Variants in DMBT1 observed in about 807,000 individuals in gnomAD.
The protein encoded by DMBT1 is deleted in malignant brain tumors 1.
A neutral mutation model predicts 252.9 loss-of-function variants in DMBT1; 198 were observed. The observed-to-expected ratio is 0.78, with a 90% CI of 0.70 to 0.88. The LOEUF (loss-of-function observed/expected upper bound fraction) is 0.88. DMBT1 is among the 40% of genes least tolerant of loss of function. The probability of loss-of-function intolerance (pLI) is 0.00; values close to 1 mark genes in which losing one functional copy is unlikely to be tolerated. For missense variants in DMBT1, 2,432 were observed against 2,404.7 expected, an observed-to-expected ratio of 1.01 and a Z score of -0.24; for synonymous variants, 990 against 942.7, an observed-to-expected ratio of 1.05 and a Z score of -0.92.
At chr10:122,638,351 ACT>A (rs1843872503) in intron 54 of DMBT1, among the ~76,000 whole-genome samples, 1 of 140,124 alleles carries the variant, frequency 7.1e-6, no homozygotes, top group Admixed American at 7.3e-5. Flanking sequence ...CGGCCAGACA[ACT>A]CTGTCAGCCC....
Position 122,643,109 on chromosome 10 carries a change from T to C in DMBT1, c.7353-13T>C. 1 of 1,611,924 alleles carries C rather than the reference T, an allele frequency of 6.2e-7. No homozygotes were observed. The highest frequency in any genetic ancestry group is 1.1e-5 in the South Asian group (1 of 91,034). On this transcript the variant is annotated splice_polypyrimidine_tract_variant and intron_variant, in intron 55 of 55. Coordinates refer to ENST00000338354, the MANE Select transcript of DMBT1 (RefSeq NM_001377530.1). ...GCCTTGGTGAGAGCTAAGGGGCTAC[T>C]GTTCTCTTCCAGATGCGTGAGGGAT...
At position 122,636,770 on chromosome 10, in the gene DMBT1, C is replaced by A. The variant is rs1029760505; in HGVS notation, c.6758-358C>A. ...GTCAGGATTAAAGACTGACTTGCTT[C>A]ATGGCTAAAAGACCTTGTTTCATGA... On this transcript the variant is annotated intron_variant, in intron 53 of 55. Coordinates refer to ENST00000338354, the MANE Select transcript of DMBT1 (RefSeq NM_001377530.1). Among the ~76,000 whole-genome samples the A allele has an allele frequency of 5.0e-4, 76 of 152,262 alleles. 1 individual carries two copies. Among genetic ancestry groups the A allele is most frequent in the Admixed American group, 5.0e-3 (76 of 15,288 alleles).
chr10:122,619,413 C>G, intron 42 of DMBT1, 76 bp downstream of exon 42: 1 of 1,587,542 alleles, frequency 6.3e-7, no homozygotes. Flanking sequence ...CCACAGAGCT[C>G]TCCTGCTTTT....
intron 3 of DMBT1, among the ~76,000 whole-genome samples, chr10:122,570,674 G>C (rs536655147): frequency 3.3e-5 from 5 of 152,302 alleles, no homozygotes; most frequent in African/African-American, 9.6e-5. Flanking sequence ...GAGGTTGGGG[G>C]AGGGTAAGTA....
At position 122,588,952 on chromosome 10, in the gene DMBT1, T is replaced by C; in HGVS notation, c.1792T>C (p.Ser598Pro). The change falls in exon 17 of 56, where the codon TCC becomes CCC. Residue 598 changes from serine (S) to proline (P), a missense_variant. Around this residue, in one of 3 missense-constraint regions of DMBT1, gnomAD observed 1,264 missense variants for 1,082.2 expected, o/e 1.17. Transcript: ENST00000338354. ...CTTGTGTTCTCCTATAGGACCTGAA[T>C]CCAGTTTGGCCCTGAGGCTGGTGAA... ...DAGVICSGPE[S>P]SLALRLVNGG... The C allele has an allele frequency of 6.3e-7, 1 of 1,587,924 alleles. No individual in the cohort carries two copies. Among genetic ancestry groups the C allele is most frequent in the South Asian group, 1.2e-5 (1 of 86,902 alleles).
chr10:122,589,390 T>A, intron 17 of DMBT1, 123 bp downstream of exon 17: 1 of 1,434,300 alleles, frequency 7.0e-7, no homozygotes, highest in Non-Finnish European at 9.4e-7. Context: ...GATATCTCCT[T>A]AGCTCTCTTC....
intron 40 of DMBT1, 48 bp downstream of exon 40, chr10:122,617,308 A>G: frequency 6.3e-7 from 1 of 1,588,896 alleles, no homozygotes; most frequent in African/African-American, 1.4e-5. Context: ...CTCTGGACAT[A>G]TTTTGTGTTT....
chr10:122,591,074 G>A (rs746592909), intron 18 of DMBT1, among the ~76,000 whole-genome samples: 2 of 148,492 alleles, frequency 1.3e-5, no homozygotes, highest in Non-Finnish European at 3.0e-5. Context: ...CAGGGAGAGC[G>A]ATATTAGATA....
chr10:122,560,762 C>A lies in DMBT1; in HGVS notation c.-9C>A. The stretch of plus-strand genomic sequence containing the variant: ...GGATTTTCTATTCAATTGAGAAGAA[C>A]CCAGCAAAATGGGGATCTCCACAGT... On this transcript the variant is annotated 5_prime_UTR_variant, in exon 1 of 56. Coordinates refer to ENST00000338354, the MANE Select transcript of DMBT1 (RefSeq NM_001377530.1). 6.4e-7 allele frequency: 1 copy of A among 1,564,252 alleles called. No individual in the cohort carries two copies. Among genetic ancestry groups the A allele is most frequent in the Non-Finnish European group, 8.7e-7 (1 of 1,152,596 alleles).
At chr10:122,568,514 AAGG>A (rs2097624671) in intron 2 of DMBT1, among the ~76,000 whole-genome samples, 1 of 152,230 alleles carries the variant, frequency 6.6e-6, no homozygotes, top group East Asian at 1.9e-4. Context: ...TGAGAGGAAG[AAGG>A]AGGAGTGAGG....
chr10:122,634,392 CTTTCTTTCT>C (rs1405653472), intron 52 of DMBT1, among the ~76,000 whole-genome samples: 3 of 136,854 alleles, frequency 2.2e-5, no homozygotes, highest in East Asian at 4.1e-4. Flanking sequence ...TTCTTTCTTT[CTTTCTTTCT>C]TTTCTTTCTT....
In DMBT1 at chr10:122,633,417, G is replaced by A. The variant is rs73361530; in HGVS notation, c.6548+76G>A. The A allele has an allele frequency of 5.8e-3, 8,934 of 1,543,044 alleles. 358 individuals are homozygous for A. The African/African-American group carries it at 0.083, about 14-fold the overall frequency. ...GGGAATAAATGGTGCTTAAGTGTGCGCCCAGAAGAATGCCTTGGGGCCCCA... is the reference window on the plus strand; with the variant it reads ...GGGAATAAATGGTGCTTAAGTGTGCACCCAGAAGAATGCCTTGGGGCCCCA... On this transcript the variant is annotated intron_variant, in intron 52 of 55. Transcript: ENST00000338354.
chr10:122,634,430 T>TTCTCTCTC lies in DMBT1; in HGVS notation c.6548+1133_6548+1140dup, dbSNP rs764559052. ...CTTTCTTTCTCTCTCTCTCTCTCTCTTCTCTCTCTCTCTCTCTCTCTCTCT... is the reference window on the plus strand; with the variant it reads ...CTTTCTTTCTCTCTCTCTCTCTCTCTTCTCTCTCTCTCTCTCTCTCTCTCTCTCTCTCT... On this transcript the variant is annotated intron_variant, in intron 52 of 55. Transcript: ENST00000338354. 3.0e-3 allele frequency among the ~76,000 whole-genome samples: 222 copies of TTCTCTCTC among 74,198 alleles called. 2 individuals carry two copies. Among genetic ancestry groups the TTCTCTCTC allele is most frequent in the Admixed American group, 5.7e-3 (34 of 6,004 alleles). The allele number at this position is 74,198 out of a possible 152,430, so 48.7% of individuals were successfully genotyped here. A position where few individuals can be genotyped will look rare whatever the true frequency, so the allele number is the denominator to read the frequency against.
intron 25 of DMBT1, 127 bp from the exon 26 acceptor site, chr10:122,598,647 T>C: frequency 6.5e-7 from 1 of 1,543,226 alleles, no homozygotes; most frequent in Non-Finnish European, 8.7e-7. Context: ...CTGATTTTAT[T>C]CATATTCAAA....
At chr10:122,635,696 C>T (rs2098220952) in intron 52 of DMBT1, among the ~76,000 whole-genome samples, 1 of 152,156 alleles carries the variant, frequency 6.6e-6, no homozygotes, top group African/African-American at 2.4e-5. Flanking sequence ...CCTCACCCTA[C>T]AGGCTTGTGC....
chr10:122,633,768 G>T (rs1591572401), intron 52 of DMBT1, among the ~76,000 whole-genome samples: 1 of 152,286 alleles, frequency 6.6e-6, no homozygotes, highest in South Asian at 2.1e-4. Context: ...ACAAAATGTT[G>T]TCCAGTGGAA....
chr10:122,566,306 T>TTCTTC (rs1565533295), intron 2 of DMBT1, among the ~76,000 whole-genome samples: 3 of 112,254 alleles, frequency 2.7e-5, no homozygotes, highest in Non-Finnish European at 5.7e-5. Flanking sequence ...CCTTTTCTTT[T>TTCTTC]TTTTTCTTTT....
chr10:122,637,789 C>A (rs1193551598), intron 54 of DMBT1, among the ~76,000 whole-genome samples: 1 of 152,200 alleles, frequency 6.6e-6, no homozygotes, highest in Non-Finnish European at 1.5e-5. Context: ...TTGCAGTAGG[C>A]AGGGAAGAGG....
At chr10:122,630,142 G>T in intron 47 of DMBT1, 146 bp from the exon 48 acceptor site, 1 of 1,359,392 alleles carries the variant, frequency 7.4e-7, no homozygotes. Flanking sequence ...AAGCATCAGG[G>T]AACACTGATG....
Sources: allele counts gnomAD v4.1 joint callset (sites outside exome capture counted in the v4.1 genomes callset), GRCh38; gene constraint gnomAD v4.1.1; regional missense constraint gnomAD v4.1.1; transcripts MANE v1.5; gene names NCBI Gene and HGNC (gene_info 2026-07-23, HGNC 2026-07-21).